Variants in C3orf20 observed in about 807,000 individuals in gnomAD.
The protein encoded by C3orf20 is family with sequence similarity 149 member C, also known as uncharacterized protein C3orf20.
Under a neutral mutation model 88.3 loss-of-function variants are expected in C3orf20, and 76 were observed. The observed-to-expected ratio is 0.86, with a 90% CI of 0.72 to 1.04. The LOEUF (loss-of-function observed/expected upper bound fraction) is 1.04, where lower values mean the gene tolerates loss of function less well. C3orf20 is among the 50% of genes least tolerant of loss of function. The probability of loss-of-function intolerance (pLI) is 0.00; values close to 1 mark genes in which losing one functional copy is unlikely to be tolerated. For synonymous variants in C3orf20, 436 were observed against 437.4 expected, an observed-to-expected ratio of 1.00 and a Z score of 0.04; for missense variants, 1,056 against 1,123.3, an observed-to-expected ratio of 0.94 and a Z score of 0.86.
intron 3 of C3orf20, among the ~76,000 whole-genome samples, chr3:14,683,720 A>T (rs1030116019): frequency 1.3e-4 from 20 of 152,166 alleles, no homozygotes; most frequent in African/African-American, 4.8e-4. Context: ...TACTAAAAAT[A>T]CAAAAATTAG....
intron 15 of C3orf20, among the ~76,000 whole-genome samples, chr3:14,766,675 C>G (rs1000490145): frequency 2.0e-5 from 3 of 152,326 alleles, no homozygotes; most frequent in Non-Finnish European, 2.9e-5. Flanking sequence ...GGACGAGGTA[C>G]ACAAGAGACC....
chr3:14,731,850 A>G (rs931722903), intron 12 of C3orf20, among the ~76,000 whole-genome samples: 1 of 152,186 alleles, frequency 6.6e-6, no homozygotes, highest in Non-Finnish European at 1.5e-5. Flanking sequence ...TTTTTTGTGT[A>G]TATAATACAT....
intron 4 of C3orf20, among the ~76,000 whole-genome samples, chr3:14,686,922 C>T (rs1377111690): frequency 2.0e-5 from 3 of 152,162 alleles, no homozygotes; most frequent in Non-Finnish European, 4.4e-5. Flanking sequence ...TACACACATA[C>T]AGTGCAAATA....
At chr3:14,696,341 G>A (rs905222065) in intron 5 of C3orf20, among the ~76,000 whole-genome samples, 1 of 148,890 alleles carries the variant, frequency 6.7e-6, no homozygotes, top group Admixed American at 6.7e-5. Flanking sequence ...ATATCTTATT[G>A]TACGATATCT....
At chr3:14,718,645 G>C (rs550796860) in intron 9 of C3orf20, among the ~76,000 whole-genome samples, 1 of 152,194 alleles carries the variant, frequency 6.6e-6, no homozygotes, top group Non-Finnish European at 1.5e-5. Flanking sequence ...AATGTTATTT[G>C]GTGGAGTGTC....
rs2034444080 is a variant in C3orf20, at chr3:14,728,695, T to C, written c.1940+7T>C. Reference sequence around the variant, plus strand: ...AAGCCAAGGTCACATCCAGGTTGGCTTGGTCCTTCACGTCTTCCGCAGCAT... The same window carrying C: ...AAGCCAAGGTCACATCCAGGTTGGCCTGGTCCTTCACGTCTTCCGCAGCAT... On this transcript the variant is annotated splice_region_variant and intron_variant, in intron 12 of 16. Transcript: ENST00000253697. 1 of 1,612,512 alleles carries C rather than the reference T, an allele frequency of 6.2e-7. No individual in the cohort carries two copies. Among genetic ancestry groups the C allele is most frequent in the Non-Finnish European group, 8.5e-7 (1 of 1,179,758 alleles).
chr3:14,730,540 G>A (rs1269650570), intron 12 of C3orf20, among the ~76,000 whole-genome samples: 2 of 151,372 alleles, frequency 1.3e-5, no homozygotes, highest in Non-Finnish European at 2.9e-5. Context: ...GAGCGAGACT[G>A]TGTCTCAAAA....
At chr3:14,741,794 G>A (rs2034906948) in intron 12 of C3orf20, among the ~76,000 whole-genome samples, 1 of 152,202 alleles carries the variant, frequency 6.6e-6, no homozygotes, top group African/African-American at 2.4e-5. Flanking sequence ...GCTGAGAGTA[G>A]CAACTCAGGG....
At chr3:14,742,807 C>T (rs139575630) in intron 12 of C3orf20, among the ~76,000 whole-genome samples, 3,399 of 152,134 alleles carry the variant, frequency 0.022, 121 homozygotes, top group African/African-American at 0.073. Context: ...CAAGAGAAAA[C>T]GAGGAAGAAG....
chr3:14,749,401 C>A (rs1252423315), intron 12 of C3orf20, among the ~76,000 whole-genome samples: 1 of 152,170 alleles, frequency 6.6e-6, no homozygotes, highest in African/African-American at 2.4e-5. Flanking sequence ...ACTCAAACTC[C>A]TGGGCTCAAG....
At chr3:14,703,456 T>C (rs1487672600) in intron 6 of C3orf20, among the ~76,000 whole-genome samples, 194 bp downstream of exon 6, 1 of 152,208 alleles carries the variant, frequency 6.6e-6, no homozygotes, top group Non-Finnish European at 1.5e-5. Flanking sequence ...CACACACCCG[T>C]GTCCTTCCCT....
intron 7 of C3orf20, among the ~76,000 whole-genome samples, chr3:14,712,047 C>T (rs552718349): frequency 6.6e-6 from 1 of 152,030 alleles, no homozygotes; most frequent in South Asian, 2.1e-4. Flanking sequence ...CAGAATATTA[C>T]CACATTTGGA....
intron 5 of C3orf20, among the ~76,000 whole-genome samples, chr3:14,700,163 C>T (rs578158143): frequency 6.6e-6 from 1 of 152,172 alleles, no homozygotes; most frequent in Non-Finnish European, 1.5e-5. Flanking sequence ...ACTGTCTTTC[C>T]TACCTCTCCA....
chr3:14,766,164 T>TC (rs1278590479), intron 15 of C3orf20, among the ~76,000 whole-genome samples: 8 of 152,074 alleles, frequency 5.3e-5, no homozygotes, highest in African/African-American at 1.9e-4. Flanking sequence ...AGCCTCCCTG[T>TC]CCCCCACTCA....
intron 9 of C3orf20, among the ~76,000 whole-genome samples, chr3:14,718,805 G>A (rs1370264547): frequency 6.6e-6 from 1 of 152,246 alleles, no homozygotes; most frequent in Non-Finnish European, 1.5e-5. Context: ...TCAACCGTAA[G>A]ATGTCTTGAG....
rs192921451 is a variant in C3orf20 at position 14,730,749 on chromosome 3, G to T, written c.1940+2061G>T. 1.3e-4 allele frequency among the ~76,000 whole-genome samples: 20 copies of T among 152,242 alleles called. 1 individual carries two copies. Among genetic ancestry groups the T allele is most frequent in the African/African-American group, 4.8e-4 (20 of 41,544 alleles). The stretch of plus-strand genomic sequence containing the variant: ...CCGTTTTCCGCCATGGTCGTTTTAC[G>T]TTCTGCTCCCACCAGCAGTGTGTCT... On this transcript the variant is annotated intron_variant, in intron 12 of 16. Transcript: ENST00000253697.
At chr3:14,748,978 A>T (rs1411925153) in intron 12 of C3orf20, among the ~76,000 whole-genome samples, 1 of 152,116 alleles carries the variant, frequency 6.6e-6, no homozygotes, top group African/African-American at 2.4e-5. Flanking sequence ...TTGGTTTATA[A>T]TGTTCTTCAA....
chr3:14,744,177 G>A (rs1265127823), intron 12 of C3orf20, among the ~76,000 whole-genome samples: 1 of 151,938 alleles, frequency 6.6e-6, no homozygotes, highest in Non-Finnish European at 1.5e-5. Context: ...GTTACCTCTT[G>A]AATGCTTTGC....
At chr3:14,753,561 G>A (rs547829269) in intron 12 of C3orf20, among the ~76,000 whole-genome samples, 32 of 152,082 alleles carry the variant, frequency 2.1e-4, no homozygotes, top group Non-Finnish European at 4.6e-4. Context: ...TTTCCTTGGG[G>A]ACAGTTTCTA....
Sources: gnomAD v4.1 joint callset for allele counts (sites outside exome capture counted in the v4.1 genomes callset) on GRCh38, gnomAD v4.1.1 for gene constraint, MANE v1.5 for transcripts, NCBI Gene and HGNC (gene_info 2026-07-23, HGNC 2026-07-21) for gene names.